The following MICAL2 variants were observed in gnomAD, a reference collection of about 807,000 sequenced individuals.
MICAL2 encodes microtubule associated monooxygenase, calponin and LIM domain containing 2.
MICAL2 carries 77 observed loss-of-function variants against 127.3 expected under a neutral mutation model. The ratio of observed to expected loss-of-function variants is 0.60; its 90% CI spans 0.50 to 0.73. The LOEUF (loss-of-function observed/expected upper bound fraction) is 0.73. MICAL2 is among the 30% of genes least tolerant of loss of function. MICAL2 has a pLI of 0.00. For missense variants in MICAL2, 1,351 were observed against 1,434.4 expected, an observed-to-expected ratio of 0.94 and a Z score of 0.94; for synonymous variants, 570 against 551.1, an observed-to-expected ratio of 1.03 and a Z score of -0.48.
chr11:12,153,668 C>T (rs915502328), intron 2 of MICAL2, among the ~76,000 whole-genome samples: 1 of 152,196 alleles, frequency 6.6e-6, no homozygotes, highest in African/African-American at 2.4e-5. Context: ...AAACTCCTGA[C>T]CTCGAGTCTG....
At chr11:12,117,164 C>A (rs1334705462) in intron 1 of MICAL2, among the ~76,000 whole-genome samples, 3 of 152,208 alleles carry the variant, frequency 2.0e-5, no homozygotes, top group Non-Finnish European at 4.4e-5. Context: ...GTGCTTCCTG[C>A]TGGTTTGGGG....
intron 2 of MICAL2, among the ~76,000 whole-genome samples, chr11:12,158,816 A>T (rs1159596698): frequency 6.6e-6 from 1 of 152,232 alleles, no homozygotes; most frequent in South Asian, 2.1e-4. Context: ...GCCAAGATGG[A>T]TGAGGTAACT....
At chr11:12,279,199 T>G (rs1486221613) in intron 1 of MICAL2, among the ~76,000 whole-genome samples, 1 of 152,100 alleles carries the variant, frequency 6.6e-6, no homozygotes, top group Non-Finnish European at 1.5e-5. Flanking sequence ...GAGGGTTTGG[T>G]TCTCTGCATC....
intron 3 of MICAL2, among the ~76,000 whole-genome samples, chr11:12,179,035 C>T (rs577708558): frequency 1.4e-4 from 22 of 152,304 alleles, no homozygotes; most frequent in Admixed American, 4.6e-4. Flanking sequence ...CTTTCCTCCC[C>T]TCCAGTCCAG....
At chr11:12,356,426 G>T (rs997314854) in intron 34 of MICAL2, among the ~76,000 whole-genome samples, 2 of 152,180 alleles carry the variant, frequency 1.3e-5, no homozygotes, top group Non-Finnish European at 2.9e-5. Flanking sequence ...TCTCCCCAGG[G>T]TGACTGGCAA....
chr11:12,193,704 CATG>C (rs1859513567), intron 3 of MICAL2, among the ~76,000 whole-genome samples: 1 of 152,240 alleles, frequency 6.6e-6, no homozygotes, highest in Non-Finnish European at 1.5e-5. Flanking sequence ...GCAGGTGTAA[CATG>C]ATGGATATGA....
chr11:12,143,320 A>C (rs1852534713), intron 2 of MICAL2, among the ~76,000 whole-genome samples: 1 of 152,234 alleles, frequency 6.6e-6, no homozygotes, highest in Non-Finnish European at 1.5e-5. Flanking sequence ...TGAGACATTC[A>C]GTTGAGAGAT....
chr11:12,275,710 GC>G (rs1398972893), upstream of MICAL2, among the ~76,000 whole-genome samples: 1 of 152,230 alleles, frequency 6.6e-6, no homozygotes, highest in Non-Finnish European at 1.5e-5. Context: ...AGGCTGGTTA[GC>G]CTGGAATGGC....
chr11:12,327,398 G>A, intron 32 of MICAL2: 1 of 714,866 alleles, frequency 1.4e-6, no homozygotes, highest in Non-Finnish European at 2.3e-6. Context: ...AAATCCACAA[G>A]TGCCGCACAC....
intron 1 of MICAL2, among the ~76,000 whole-genome samples, chr11:12,131,448 C>T (rs921390733): frequency 6.6e-6 from 1 of 152,180 alleles, no homozygotes; most frequent in East Asian, 1.9e-4. Flanking sequence ...CATCCCTGGC[C>T]CCAATTCTTT....
intron 3 of MICAL2, among the ~76,000 whole-genome samples, chr11:12,186,892 G>A (rs1002536909): frequency 1.3e-5 from 2 of 152,182 alleles, no homozygotes; most frequent in Non-Finnish European, 2.9e-5. Flanking sequence ...TGAGGCCCAC[G>A]GGCCCATGAG....
intron 1 of MICAL2, among the ~76,000 whole-genome samples, chr11:12,111,716 G>A (rs574451924): frequency 1.1e-4 from 17 of 152,262 alleles, no homozygotes; most frequent in Non-Finnish European, 1.9e-4. Context: ...AGTCTACAAT[G>A]ATTTTGGTGA....
chr11:12,162,056 T>G, intron 2 of MICAL2, 23 bp from the exon 3 acceptor site: 1 of 1,545,164 alleles, frequency 6.5e-7, no homozygotes, highest in Non-Finnish European at 8.8e-7. Context: ...AAAGCTGACC[T>G]CTGCCTCCCC....
intron 29 of MICAL2, among the ~76,000 whole-genome samples, chr11:12,299,129 T>C (rs964717943): frequency 2.0e-5 from 3 of 152,214 alleles, no homozygotes; most frequent in Non-Finnish European, 4.4e-5. Flanking sequence ...ATGTACAGAA[T>C]GGAATTAGGT....
downstream of MICAL2, among the ~76,000 whole-genome samples, chr11:12,266,504 C>T (rs983844714): frequency 3.9e-5 from 6 of 152,188 alleles, no homozygotes; most frequent in Admixed American, 3.9e-4. Context: ...CCCCAGCCAG[C>T]TGTTATATAG....
intron 32 of MICAL2, among the ~76,000 whole-genome samples, chr11:12,337,299 A>C (rs978764817): frequency 6.6e-6 from 1 of 152,052 alleles, no homozygotes; most frequent in African/African-American, 2.4e-5. Flanking sequence ...CGGTGGTGAT[A>C]TCCCCTTTGT....
At chr11:12,244,141 T>C (rs2270512) in intron 21 of MICAL2, 29 bp downstream of exon 21, 268,662 of 1,613,218 alleles carry the variant, frequency 0.17, 23,632 homozygotes, top group South Asian at 0.27. Flanking sequence ...TTGCTTTCCC[T>C]ATTCCCTGCA....
intron 12 of MICAL2, among the ~76,000 whole-genome samples, chr11:12,224,256 C>T (rs76323051): frequency 0.016 from 2,403 of 152,306 alleles, 49 homozygotes; most frequent in African/African-American, 0.05. Flanking sequence ...AACGTACCTC[C>T]CCATTACACT....
intron 1 of MICAL2, among the ~76,000 whole-genome samples, chr11:12,129,538 C>T (rs1851226367): frequency 6.6e-6 from 1 of 151,682 alleles, no homozygotes; most frequent in Non-Finnish European, 1.5e-5. Context: ...AGCCATTCAT[C>T]ATTTCCCCCT....
Sources: gnomAD v4.1 joint callset for allele counts (sites outside exome capture counted in the v4.1 genomes callset) on GRCh38, gnomAD v4.1.1 for gene constraint, MANE v1.5 for transcripts, NCBI Gene and HGNC (gene_info 2026-07-23, HGNC 2026-07-21) for gene names.